Variants in GPR39 observed in about 807,000 individuals in gnomAD.
GPR39 encodes the protein zinc sensing receptor.
A neutral mutation model predicts 18.4 loss-of-function variants in GPR39; 23 were observed. The ratio of observed to expected loss-of-function variants is 1.25; its 90% CI spans 0.90 to 1.77. The LOEUF is 1.77. Ranked by LOEUF, GPR39 falls within the 40% of genes most tolerant of loss-of-function variation. GPR39 has a pLI of 0.00. For missense variants in GPR39, 647 were observed against 602.4 expected (o/e 1.07, Z -0.78); for synonymous variants, 280 against 257.9 (o/e 1.09, Z -0.82).
intron 1 of GPR39, among the ~76,000 whole-genome samples, chr2:132,581,836 G>A (rs1436507693): frequency 2.6e-5 from 4 of 152,150 alleles, no homozygotes; most frequent in Non-Finnish European, 4.4e-5. Context: ...CATCTTTCAG[G>A]GCGAGTGATT....
chr2:132,598,363 G>T (rs557943160), intron 1 of GPR39, among the ~76,000 whole-genome samples: 2 of 142,480 alleles, frequency 1.4e-5, no homozygotes, highest in African/African-American at 5.2e-5. Flanking sequence ...AATCACCAAG[G>T]GATTTTTTTT....
intron 1 of GPR39, among the ~76,000 whole-genome samples, chr2:132,508,408 C>A (rs981009718): frequency 6.6e-6 from 1 of 152,124 alleles, no homozygotes; most frequent in African/African-American, 2.4e-5. Flanking sequence ...ACATAGACTT[C>A]TGTTTCTGAG....
At chr2:132,519,057 G>A (rs182911183) in intron 1 of GPR39, among the ~76,000 whole-genome samples, 13 of 152,296 alleles carry the variant, frequency 8.5e-5, no homozygotes, top group Non-Finnish European at 1.8e-4. Context: ...GTTGCTCAAT[G>A]ATGATAAAGA....
At chr2:132,455,194 C>A (rs1021048312) in intron 1 of GPR39, among the ~76,000 whole-genome samples, 18 of 152,146 alleles carry the variant, frequency 1.2e-4, no homozygotes, top group Admixed American at 5.2e-4. Context: ...TCGACTTCTT[C>A]CTGGTTTAGT....
chr2:132,625,144 T>A (rs916559636), intron 1 of GPR39, among the ~76,000 whole-genome samples: 2 of 151,880 alleles, frequency 1.3e-5, no homozygotes, highest in Admixed American at 1.3e-4. Flanking sequence ...TCTACGTGGC[T>A]TTTTCCCCTC....
At chr2:132,612,448 G>A (rs766461410) in intron 1 of GPR39, among the ~76,000 whole-genome samples, 79 of 152,122 alleles carry the variant, frequency 5.2e-4, no homozygotes, top group Non-Finnish European at 9.4e-4. Flanking sequence ...GCAAGACCAC[G>A]TTCTATGCTT....
chr2:132,486,361 G>T (rs888913341), intron 1 of GPR39, among the ~76,000 whole-genome samples: 1 of 152,202 alleles, frequency 6.6e-6, no homozygotes, highest in African/African-American at 2.4e-5. Flanking sequence ...CCCGTAACAA[G>T]ACAGTCAGCA....
chr2:132,452,267 C>G (rs1475302463), intron 1 of GPR39, among the ~76,000 whole-genome samples: 1 of 152,154 alleles, frequency 6.6e-6, no homozygotes, highest in Non-Finnish European at 1.5e-5. Context: ...CCAGGATACT[C>G]TGTGACTTTC....
chr2:132,613,891 G>A (rs1028122987), intron 1 of GPR39, among the ~76,000 whole-genome samples: 3 of 152,120 alleles, frequency 2.0e-5, no homozygotes, highest in Non-Finnish European at 4.4e-5. Context: ...CAGTGTCTAC[G>A]TCTTAATAGA....
At chr2:132,531,599 G>A (rs542385898) in intron 1 of GPR39, among the ~76,000 whole-genome samples, 1 of 152,336 alleles carries the variant, frequency 6.6e-6, no homozygotes, top group South Asian at 2.1e-4. Context: ...GTAGTTGGAA[G>A]TAAAGCTCTC....
intron 1 of GPR39, among the ~76,000 whole-genome samples, chr2:132,604,178 C>T (rs1228099170): frequency 6.6e-6 from 1 of 152,040 alleles, no homozygotes; most frequent in African/African-American, 2.4e-5. Flanking sequence ...TTCTGTACAC[C>T]ACTTCACAAG....
intron 1 of GPR39, among the ~76,000 whole-genome samples, chr2:132,474,880 A>C (rs946974316): frequency 6.6e-6 from 1 of 152,162 alleles, no homozygotes; most frequent in African/African-American, 2.4e-5. Flanking sequence ...CCCCTTGATC[A>C]GTACATTTCT....
chr2:132,439,049 C>G (rs891479938), intron 1 of GPR39, among the ~76,000 whole-genome samples: 5 of 152,130 alleles, frequency 3.3e-5, no homozygotes, highest in Admixed American at 2.0e-4. Context: ...AAGAGTATTC[C>G]CCCAGGATGC....
At chr2:132,450,732 C>G (rs1680617607) in intron 1 of GPR39, among the ~76,000 whole-genome samples, 1 of 152,220 alleles carries the variant, frequency 6.6e-6, no homozygotes, top group South Asian at 2.1e-4. Flanking sequence ...AACTTCTTCC[C>G]TCTACTCTGC....
At chr2:132,485,563 C>A (rs887393131) in intron 1 of GPR39, among the ~76,000 whole-genome samples, 2 of 152,240 alleles carry the variant, frequency 1.3e-5, no homozygotes, top group African/African-American at 4.8e-5. Context: ...TATTCTAAAG[C>A]CTTCATTGTC....
chr2:132,571,605 GTGAC>G (rs984644084), intron 1 of GPR39, among the ~76,000 whole-genome samples: 6 of 152,152 alleles, frequency 3.9e-5, no homozygotes, highest in African/African-American at 1.4e-4. Flanking sequence ...TTGGAAGTAA[GTGAC>G]TGTAAACTCA....
At chr2:132,474,661 T>C (rs1014164319) in intron 1 of GPR39, among the ~76,000 whole-genome samples, 1 of 152,228 alleles carries the variant, frequency 6.6e-6, no homozygotes, top group African/African-American at 2.4e-5. Context: ...ACCATCACCA[T>C]AGATTTCTAT....
In GPR39 at chr2:132,645,592, G is replaced by C. The variant is rs1009246553; in HGVS notation, c.1348G>C (p.Glu450Gln). 4 of 1,611,168 alleles carry C rather than the reference G, an allele frequency of 2.5e-6. No homozygotes were observed. In the African/African-American group the frequency reaches 5.4e-5, roughly 22 times the overall value. ...ANSAAENGFQ[E>Q]HEV ...TTCTGCTGCAGAGAATGGTTTTCAG[G>C]AGCATGAAGTTTGAATGTCAAGCGA... Residue 450 changes from glutamate to glutamine, a missense_variant, in exon 2 of 2, where the codon GAG becomes CAG. This residue lies in a region of GPR39 where 581 missense variants were observed against 506.8 expected (regional missense o/e 1.15). Coordinates refer to ENST00000329321, the MANE Select transcript of GPR39 (RefSeq NM_001508.3).
chr2:132,576,095 C>T (rs1573676810), intron 1 of GPR39, among the ~76,000 whole-genome samples: 1 of 152,294 alleles, frequency 6.6e-6, no homozygotes, highest in Middle Eastern at 3.4e-3. Flanking sequence ...CAACCGATGG[C>T]ATTTTTAACA....
Sources: allele counts gnomAD v4.1 joint callset (sites outside exome capture counted in the v4.1 genomes callset), GRCh38; gene constraint gnomAD v4.1.1; regional missense constraint gnomAD v4.1.1; transcripts MANE v1.5; gene names NCBI Gene and HGNC (gene_info 2026-07-23, HGNC 2026-07-21).